ACSL3: variants seen among roughly 807,000 people sequenced by gnomAD.
ACSL3 encodes the protein fatty acid CoA ligase Acsl3.
ACSL3 carries 34 observed loss-of-function variants against 84.7 expected under a neutral mutation model. The ratio of observed to expected loss-of-function variants is 0.40; its 90% CI spans 0.31 to 0.53. The LOEUF is 0.53. Among genes scored for constraint, ACSL3 ranks in the 20% least tolerant of loss-of-function variants. The pLI is 0.48. For missense variants in ACSL3, 680 were observed against 873.1 expected (o/e 0.78, Z 2.79); for synonymous variants, 315 against 299.4 (o/e 1.05, Z -0.54).
intron 2 of ACSL3, among the ~76,000 whole-genome samples, chr2:222,894,499 C>T (rs1349978058): frequency 6.6e-6 from 1 of 152,180 alleles, no homozygotes; most frequent in East Asian, 1.9e-4. Flanking sequence ...TTTGTTTGCT[C>T]ATCTTTATTG....
At chr2:222,873,659 T>C (rs1695366069) in intron 1 of ACSL3, among the ~76,000 whole-genome samples, 1 of 152,222 alleles carries the variant, frequency 6.6e-6, no homozygotes, top group Non-Finnish European at 1.5e-5. Flanking sequence ...TGTGTAAATA[T>C]TTAACCTACT....
At chr2:222,908,705 C>G in intron 3 of ACSL3, 28 bp from the exon 4 acceptor site, 1 of 1,383,886 alleles carries the variant, frequency 7.2e-7, no homozygotes, top group Admixed American at 2.5e-5. Context: ...TGATTTTGAA[C>G]TAACGCCTTT....
At chr2:222,884,285 GATA>G (rs1156608635) in intron 1 of ACSL3, among the ~76,000 whole-genome samples, 8 of 152,158 alleles carry the variant, frequency 5.3e-5, no homozygotes, top group African/African-American at 1.9e-4. Context: ...AAGAGATCTG[GATA>G]ATGTTTCAAC....
chr2:222,928,744 A>C, intron 12 of ACSL3, 118 bp from the exon 13 acceptor site: 1 of 871,814 alleles, frequency 1.1e-6, no homozygotes, highest in South Asian at 1.6e-5. Flanking sequence ...TTCTGCTTTT[A>C]AGGAATAGCT....
intron 2 of ACSL3, among the ~76,000 whole-genome samples, chr2:222,888,720 G>A (rs899409050): frequency 1.3e-5 from 2 of 152,168 alleles, no homozygotes; most frequent in African/African-American, 4.8e-5. Flanking sequence ...TGTTACCCTG[G>A]TTCTTTTGCT....
chr2:222,941,370 A>G, intron 16 of ACSL3, 127 bp from the exon 17 acceptor site: 1 of 675,386 alleles, frequency 1.5e-6, no homozygotes, highest in Non-Finnish European at 2.4e-6. Flanking sequence ...TAGATTCTTT[A>G]GAAGTGACAT....
intron 1 of ACSL3, among the ~76,000 whole-genome samples, chr2:222,867,365 C>T (rs1695178008): frequency 1.3e-5 from 2 of 152,160 alleles, no homozygotes; most frequent in South Asian, 2.1e-4. Flanking sequence ...CCACTCCTTT[C>T]CCCCAAATCT....
chr2:222,927,325 T>C, intron 12 of ACSL3, 136 bp downstream of exon 12: 1 of 829,210 alleles, frequency 1.2e-6, no homozygotes, highest in Non-Finnish European at 1.8e-6. Context: ...CCAAGTACTA[T>C]GATCATTGAT....
chr2:222,930,759 T>A lies in ACSL3; in HGVS notation c.1679T>A (p.Leu560His). 1 of 1,614,152 alleles carries A rather than the reference T, an allele frequency of 6.2e-7. No individual in the cohort carries two copies. Among genetic ancestry groups the A allele is most frequent in the Non-Finnish European group, 8.5e-7 (1 of 1,180,012 alleles). ...GAAGATGAAAATGGACAAAGGTGGC[T>A]CTGTACTGGGGATATTGGAGAGTTT... The part of the protein sequence containing the change: ...FFEDENGQRW[L>H]CTGDIGEFEP... The change falls in exon 14 of 17, where the codon CTC becomes CAC. Residue 560 changes from leucine (L) to histidine (H), a missense_variant. Leu to His is a moderately conservative substitution (Grantham distance 99). Around this residue, in one of 2 missense-constraint regions of ACSL3, gnomAD observed 347 missense variants for 525.7 expected, o/e 0.66. Coordinates refer to ENST00000357430, the MANE Select transcript of ACSL3 (RefSeq NM_004457.5).
At chr2:222,936,998 A>G (rs1354728939) in intron 16 of ACSL3, among the ~76,000 whole-genome samples, 1 of 152,126 alleles carries the variant, frequency 6.6e-6, no homozygotes, top group African/African-American at 2.4e-5. Context: ...CCCCCTTGAC[A>G]TGTCGGGATT....
chr2:222,917,772 G>A (rs910809594), intron 5 of ACSL3: 2 of 220,608 alleles, frequency 9.1e-6, no homozygotes, highest in African/African-American at 2.3e-5. Context: ...TCACAATGTG[G>A]TAGTCCCAGA....
At chr2:222,913,317 TTG>T (rs1222358137) in intron 4 of ACSL3, among the ~76,000 whole-genome samples, 3 of 152,216 alleles carry the variant, frequency 2.0e-5, no homozygotes, top group Non-Finnish European at 4.4e-5. Flanking sequence ...TTTACCCTGT[TTG>T]TGTATGTGTA....
At chr2:222,898,664 A>G (rs1415596397) in intron 2 of ACSL3, among the ~76,000 whole-genome samples, 4 of 152,198 alleles carry the variant, frequency 2.6e-5, no homozygotes, top group Non-Finnish European at 5.9e-5. Context: ...TCTACTAAAG[A>G]TACAAAAACA....
intron 1 of ACSL3, chr2:222,861,824 G>C (rs1695021547): frequency 6.6e-6 from 1 of 152,366 alleles, no homozygotes; most frequent in South Asian, 2.1e-4. Flanking sequence ...GTCGTTTGGG[G>C]TTTGAGAGTT....
intron 8 of ACSL3, 96 bp from the exon 9 acceptor site, chr2:222,922,612 G>A: frequency 6.7e-7 from 1 of 1,483,106 alleles, no homozygotes; most frequent in Non-Finnish European, 9.2e-7. Flanking sequence ...ATGCCCTGGG[G>A]CCCTTCCATG....
intron 14 of ACSL3, 91 bp from the exon 15 acceptor site, chr2:222,933,075 C>A: frequency 1.5e-6 from 1 of 673,922 alleles, no homozygotes. Context: ...TAGCAAATTA[C>A]TTAGAGAATG....
chr2:222,923,789 A>AATAGTTTC (rs1696802166), intron 10 of ACSL3, among the ~76,000 whole-genome samples: 1 of 151,692 alleles, frequency 6.6e-6, no homozygotes, highest in Admixed American at 6.6e-5. Context: ...ATAAATAATC[A>AATAGTTTC]GTAGTTTCTT....
At chr2:222,888,982 C>T (rs777565469) in intron 2 of ACSL3, among the ~76,000 whole-genome samples, 2 of 152,168 alleles carry the variant, frequency 1.3e-5, no homozygotes, top group Admixed American at 6.5e-5. Flanking sequence ...ACACAGTACT[C>T]CTCTACAAAT....
intron 10 of ACSL3, among the ~76,000 whole-genome samples, chr2:222,923,656 G>A (rs1168139205): frequency 6.6e-6 from 1 of 152,152 alleles, no homozygotes; most frequent in African/African-American, 2.4e-5. Context: ...AGGGAAATGG[G>A]GCAGCAGTGA....
Sources: allele counts gnomAD v4.1 joint callset (sites outside exome capture counted in the v4.1 genomes callset), GRCh38; gene constraint gnomAD v4.1.1; regional missense constraint gnomAD v4.1.1; transcripts MANE v1.5; gene names NCBI Gene and HGNC (gene_info 2026-07-23, HGNC 2026-07-21).